Variants in PHLPP1 observed in about 807,000 individuals in gnomAD.
PHLPP1 encodes PH domain and leucine rich repeat protein phosphatase 1.
A neutral mutation model predicts 117.2 loss-of-function variants in PHLPP1; 42 were observed. The observed-to-expected ratio is 0.36, with a 90% CI of 0.28 to 0.46. PHLPP1 has a LOEUF of 0.46. PHLPP1 is among the 20% of genes least tolerant of loss of function. PHLPP1 has a pLI of 1.00. For missense variants in PHLPP1, 2,084 were observed against 2,241.9 expected, an observed-to-expected ratio of 0.93 and a Z score of 1.42; for synonymous variants, 1,042 against 970.7, an observed-to-expected ratio of 1.07 and a Z score of -1.37.
At chr18:62,781,902 C>T (rs1168888850) in intron 1 of PHLPP1, among the ~76,000 whole-genome samples, 1 of 152,064 alleles carries the variant, frequency 6.6e-6, no homozygotes, top group Admixed American at 6.6e-5. Flanking sequence ...AATGAAGATT[C>T]CCCTAAGAAA....
At chr18:62,938,994 C>CTTTCTTTTTTTTTTTTTTTTT (rs368316862) in intron 10 of PHLPP1, among the ~76,000 whole-genome samples, 2 of 128,680 alleles carry the variant, frequency 1.6e-5, no homozygotes, top group Non-Finnish European at 1.6e-5. Context: ...TTCTTTCTTT[C>CTTTCTTTTTTTTTTTTTTTTT]TTTTTTTTTT....
At chr18:62,734,184 G>A (rs961161233) in intron 1 of PHLPP1, among the ~76,000 whole-genome samples, 2 of 152,054 alleles carry the variant, frequency 1.3e-5, no homozygotes, top group South Asian at 2.1e-4. Context: ...GGGAAGTGCT[G>A]TTTATCTTCT....
At chr18:62,919,349 G>T (rs1050140474) in intron 9 of PHLPP1, among the ~76,000 whole-genome samples, 5 of 152,254 alleles carry the variant, frequency 3.3e-5, no homozygotes, top group Middle Eastern at 3.4e-3. Context: ...AGAAAACAGT[G>T]GATTAAGTAC....
intron 12 of PHLPP1, among the ~76,000 whole-genome samples, chr18:62,957,131 C>G (rs1910632563): frequency 6.6e-6 from 1 of 152,152 alleles, no homozygotes; most frequent in Non-Finnish European, 1.5e-5. Context: ...CTCTCCACCC[C>G]ATACTATATA....
intron 4 of PHLPP1, among the ~76,000 whole-genome samples, chr18:62,863,923 T>C (rs1475067984): frequency 6.6e-6 from 1 of 152,202 alleles, no homozygotes; most frequent in Non-Finnish European, 1.5e-5. Context: ...ACCCAGCCCC[T>C]ATTCAAGATG....
At chr18:62,808,712 C>T (rs980553943) in intron 1 of PHLPP1, among the ~76,000 whole-genome samples, 3 of 151,928 alleles carry the variant, frequency 2.0e-5, no homozygotes, top group Non-Finnish European at 2.9e-5. Flanking sequence ...CCACCAAGCC[C>T]GGCTAATTTT....
intron 1 of PHLPP1, chr18:62,731,446 A>G (rs554150102): frequency 6.6e-6 from 1 of 152,190 alleles, no homozygotes; most frequent in African/African-American, 2.4e-5. Flanking sequence ...CAAGCTTGAT[A>G]AAGTTGTGTG....
intron 1 of PHLPP1, among the ~76,000 whole-genome samples, chr18:62,774,018 A>AGGT (rs1398572894): frequency 2.6e-5 from 4 of 152,154 alleles, no homozygotes. Context: ...CACCACCCAA[A>AGGT]GGTCTCACTT....
At chr18:62,784,567 C>T (rs1913220340) in intron 1 of PHLPP1, among the ~76,000 whole-genome samples, 1 of 152,350 alleles carries the variant, frequency 6.6e-6, no homozygotes, top group African/African-American at 2.4e-5. Context: ...AAATCAGAAA[C>T]TGCTAAAGCC....
At chr18:62,740,148 AT>A (rs1279382834) in intron 1 of PHLPP1, among the ~76,000 whole-genome samples, 2 of 95,960 alleles carry the variant, frequency 2.1e-5, no homozygotes, top group Non-Finnish European at 3.7e-5. Flanking sequence ...AGGGGTGTGT[AT>A]GTGTTTGGGC....
intron 12 of PHLPP1, among the ~76,000 whole-genome samples, chr18:62,945,738 A>C (rs1488564326): frequency 6.6e-6 from 1 of 152,258 alleles, no homozygotes; most frequent in African/African-American, 2.4e-5. Context: ...CTATATAGAC[A>C]GAGCATCATT....
intron 1 of PHLPP1, among the ~76,000 whole-genome samples, chr18:62,801,553 A>G (rs1476581420): frequency 6.6e-6 from 1 of 151,960 alleles, no homozygotes; most frequent in Non-Finnish European, 1.5e-5. Context: ...CCCGGATTCA[A>G]GTGATTCTCC....
rs1225468202 is a variant in PHLPP1 at position 62,717,347 on chromosome 18, C to G, written c.1576+88C>G. On this transcript the variant is annotated intron_variant, in intron 1 of 16. Transcript: ENST00000262719. ...AAATTGCTTGTCAGTTTGCCCAACC[C>G]AAGAGTAAGTGCGGGTCCTGATGAG... is the stretch of plus-strand genomic sequence containing the variant. 7 of 1,496,956 alleles carry G rather than the reference C, an allele frequency of 4.7e-6. No individual in the cohort carries two copies. In the African/African-American group the frequency reaches 8.4e-5, roughly 18 times the overall value. The allele number at this position is 1,496,956 out of a possible 1,614,324, so 92.7% of individuals were successfully genotyped here.
intron 1 of PHLPP1, among the ~76,000 whole-genome samples, chr18:62,804,728 C>T (rs1243582342): frequency 2.0e-5 from 3 of 149,504 alleles, no homozygotes; most frequent in South Asian, 2.1e-4. Flanking sequence ...TTTAAGAACA[C>T]GGTCTCGCTC....
intron 1 of PHLPP1, among the ~76,000 whole-genome samples, chr18:62,756,316 C>G (rs1004819852): frequency 2.6e-5 from 4 of 152,166 alleles, no homozygotes; most frequent in African/African-American, 9.7e-5. Flanking sequence ...GTGGCATGGC[C>G]TACCCAGCCA....
chr18:62,803,023 A>G (rs955570290), intron 1 of PHLPP1, among the ~76,000 whole-genome samples: 5 of 152,220 alleles, frequency 3.3e-5, no homozygotes, highest in African/African-American at 1.2e-4. Context: ...TGGAGAAAGC[A>G]TACTGCCTAA....
At chr18:62,801,143 G>T (rs932828643) in intron 1 of PHLPP1, among the ~76,000 whole-genome samples, 11 of 148,748 alleles carry the variant, frequency 7.4e-5, no homozygotes, top group Non-Finnish European at 1.3e-4. Context: ...CCTTCTCCTG[G>T]GCCCCAGTGA....
chr18:62,840,456 A>G (rs1915021706), intron 3 of PHLPP1, among the ~76,000 whole-genome samples: 1 of 152,206 alleles, frequency 6.6e-6, no homozygotes, highest in Non-Finnish European at 1.5e-5. Context: ...CTGGTTTTAA[A>G]ATTATTCATA....
intron 13 of PHLPP1, among the ~76,000 whole-genome samples, chr18:62,961,653 A>G (rs940370652): frequency 1.3e-5 from 2 of 152,202 alleles, no homozygotes; most frequent in Non-Finnish European, 2.9e-5. Context: ...GTACCAGGTC[A>G]TATGGAGAGC....
Sources: allele counts gnomAD v4.1 joint callset (sites outside exome capture counted in the v4.1 genomes callset), GRCh38; gene constraint gnomAD v4.1.1; transcripts MANE v1.5; gene names NCBI Gene and HGNC (gene_info 2026-07-23, HGNC 2026-07-21).